Variants in EBF1 observed in about 807,000 individuals in gnomAD.
EBF1 encodes the protein EBF transcription factor 1.
Under a neutral mutation model 68.4 loss-of-function variants are expected in EBF1, and 10 were observed. That is an observed-to-expected ratio of 0.15 (90% CI 0.09 to 0.25). EBF1 has a LOEUF of 0.25. Ranked by LOEUF, EBF1 falls within the 10% of genes least tolerant of loss-of-function variation. The probability of loss-of-function intolerance (pLI) is 1.00; values close to 1 mark genes in which losing one functional copy is unlikely to be tolerated. For missense variants in EBF1, 509 were observed against 794.4 expected (o/e 0.64, Z 4.32); for synonymous variants, 298 against 299.8 (o/e 0.99, Z 0.06).
intron 6 of EBF1, among the ~76,000 whole-genome samples, chr5:159,046,094 T>C (rs1772333936): frequency 6.6e-6 from 1 of 152,162 alleles, no homozygotes; most frequent in Non-Finnish European, 1.5e-5. Flanking sequence ...TCTCCGTATA[T>C]TCCTCCAAGT....
At chr5:158,812,362 C>G (rs549338995) in intron 8 of EBF1, among the ~76,000 whole-genome samples, 1 of 152,164 alleles carries the variant, frequency 6.6e-6, no homozygotes, top group Non-Finnish European at 1.5e-5. Context: ...CAACTGGTGG[C>G]TACGTGGAGT....
At chr5:158,834,154 AC>A (rs1189798430) in intron 7 of EBF1, among the ~76,000 whole-genome samples, 7 of 152,104 alleles carry the variant, frequency 4.6e-5, no homozygotes. Flanking sequence ...TTCCCTTACC[AC>A]CCTCATTCTG....
At chr5:158,935,580 C>T (rs1346524297) in intron 6 of EBF1, among the ~76,000 whole-genome samples, 1 of 152,076 alleles carries the variant, frequency 6.6e-6, no homozygotes, top group Non-Finnish European at 1.5e-5. Context: ...AGACCCATCT[C>T]CCAAAAAAGG....
chr5:158,817,283 A>C (rs959113243), intron 8 of EBF1, among the ~76,000 whole-genome samples: 13 of 152,140 alleles, frequency 8.5e-5, no homozygotes, highest in Admixed American at 4.6e-4. Flanking sequence ...TATGGTTTGA[A>C]TAGATGAATG....
intron 10 of EBF1, among the ~76,000 whole-genome samples, chr5:158,773,053 G>A (rs1774215579): frequency 6.6e-6 from 1 of 152,016 alleles, no homozygotes; most frequent in Non-Finnish European, 1.5e-5. Context: ...CAGTCAATCA[G>A]TATGCGAGGT....
At chr5:159,069,508 T>C (rs1209991413) in intron 6 of EBF1, among the ~76,000 whole-genome samples, 1 of 152,088 alleles carries the variant, frequency 6.6e-6, no homozygotes, top group African/African-American at 2.4e-5. Flanking sequence ...TCAAAGATAG[T>C]TTAGGAAAAT....
intron 6 of EBF1, among the ~76,000 whole-genome samples, chr5:158,858,325 C>T (rs1051237753): frequency 1.3e-5 from 2 of 152,120 alleles, no homozygotes; most frequent in Admixed American, 6.6e-5. Context: ...ACACATGCTG[C>T]CTTCTCAGGT....
At chr5:159,090,005 C>T (rs1781347863) in intron 4 of EBF1, among the ~76,000 whole-genome samples, 1 of 151,674 alleles carries the variant, frequency 6.6e-6, no homozygotes, top group Non-Finnish European at 1.5e-5. Context: ...ACTCCTTTTT[C>T]CCCTTACAAA....
At chr5:158,986,467 C>A (rs1418604780) in intron 6 of EBF1, 2 of 152,200 alleles carry the variant, frequency 1.3e-5, no homozygotes, top group Non-Finnish European at 2.9e-5. Context: ...GTAAAGAGAG[C>A]AGCTATACTC....
At chr5:158,904,696 C>T (rs991886673) in intron 6 of EBF1, among the ~76,000 whole-genome samples, 3 of 152,126 alleles carry the variant, frequency 2.0e-5, no homozygotes, top group Non-Finnish European at 4.4e-5. Context: ...CTGAGTCTAC[C>T]TTTACCCCTC....
chr5:158,902,235 T>C (rs1356936403), intron 6 of EBF1, among the ~76,000 whole-genome samples: 1 of 152,134 alleles, frequency 6.6e-6, no homozygotes, highest in Non-Finnish European at 1.5e-5. Context: ...AGGAAGCTAA[T>C]AACAATGTCT....
intron 5 of EBF1, chr5:159,073,686 G>GTTAA: frequency 1.9e-6 from 1 of 537,686 alleles, no homozygotes; most frequent in Non-Finnish European, 3.3e-6. Flanking sequence ...TGGGGGAGAG[G>GTTAA]GGCTCTCCCA....
intron 8 of EBF1, among the ~76,000 whole-genome samples, chr5:158,820,370 T>C (rs4704963): frequency 0.053 from 8,107 of 152,172 alleles, 293 homozygotes; most frequent in East Asian, 0.071. Flanking sequence ...AAATAAAGTA[T>C]TACCCTCACA....
At chr5:158,926,286 TAATA>T (rs2127422858) in intron 6 of EBF1, among the ~76,000 whole-genome samples, 1 of 152,342 alleles carries the variant, frequency 6.6e-6, no homozygotes, top group African/African-American at 2.4e-5. Context: ...TGTTATATCT[TAATA>T]AATGCATCCC....
chr5:158,712,350 A>G lies in EBF1; in HGVS notation c.1370-17T>C. Reference sequence around the variant, plus strand: ...GGGTGAAACCTGAGGGGCGGGGGCAAAACCGGAGGTGAGGGTGGCATTCAG... The same window carrying G: ...GGGTGAAACCTGAGGGGCGGGGGCAGAACCGGAGGTGAGGGTGGCATTCAG... On this transcript the variant is annotated splice_polypyrimidine_tract_variant and intron_variant, in intron 13 of 15. Coordinates refer to ENST00000313708, the MANE Select transcript of EBF1 (RefSeq NM_024007.5). 1 of 1,612,160 alleles carries G rather than the reference A, an allele frequency of 6.2e-7. No homozygotes were observed. The highest frequency in any genetic ancestry group is 8.5e-7 in the Non-Finnish European group (1 of 1,178,828).
intron 8 of EBF1, 58 bp from the exon 9 acceptor site, chr5:158,796,533 T>C (rs1273741837): frequency 4.0e-6 from 6 of 1,508,010 alleles, no homozygotes; most frequent in Non-Finnish European, 5.3e-6. Flanking sequence ...CAAACTTTAA[T>C]GATGAAGACT....
chr5:158,792,134 A>G (rs185098940), intron 9 of EBF1, among the ~76,000 whole-genome samples: 5 of 152,328 alleles, frequency 3.3e-5, no homozygotes, highest in Non-Finnish European at 7.4e-5. Flanking sequence ...TAGTTTTCCT[A>G]GATTTGTATA....
intron 6 of EBF1, among the ~76,000 whole-genome samples, chr5:158,945,541 G>A (rs1201373940): frequency 6.6e-6 from 1 of 152,192 alleles, no homozygotes; most frequent in Admixed American, 6.5e-5. Flanking sequence ...AGAGAGATCT[G>A]CTGTTAGTCT....
chr5:158,784,626 A>G (rs1777055070), intron 9 of EBF1, among the ~76,000 whole-genome samples: 1 of 152,178 alleles, frequency 6.6e-6, no homozygotes, highest in African/African-American at 2.4e-5. Context: ...TAGAAAGCAC[A>G]CCAGCGATTT....
Sources: gnomAD v4.1 joint callset for allele counts (sites outside exome capture counted in the v4.1 genomes callset) on GRCh38, gnomAD v4.1.1 for gene constraint, MANE v1.5 for transcripts, NCBI Gene and HGNC (gene_info 2026-07-23, HGNC 2026-07-21) for gene names.